DECR1: variants seen among roughly 807,000 people sequenced by gnomAD.
DECR1 encodes 2,4-dienoyl-CoA reductase [(3E)-enoyl-CoA-producing], mitochondrial.
A neutral mutation model predicts 38.8 loss-of-function variants in DECR1; 44 were observed. The ratio of observed to expected loss-of-function variants is 1.13; its 90% CI spans 0.89 to 1.46. DECR1 has a LOEUF of 1.46. Ranked by LOEUF, DECR1 falls within the 40% of genes most tolerant of loss-of-function variation. The probability of loss-of-function intolerance (pLI) is 0.00; values close to 1 mark genes in which losing one functional copy is unlikely to be tolerated. For missense variants in DECR1, 428 were observed against 405.5 expected, an observed-to-expected ratio of 1.06 and a Z score of -0.48; for synonymous variants, 148 against 135.2, an observed-to-expected ratio of 1.09 and a Z score of -0.66.
At chr8:90,028,560 T>A (rs1003599766) in intron 5 of DECR1, among the ~76,000 whole-genome samples, 5 of 152,108 alleles carry the variant, frequency 3.3e-5, no homozygotes, top group Admixed American at 6.6e-5. Context: ...TTCCCACAAG[T>A]TGTATATTAA....
chr8:90,037,020 G>A, intron 6 of DECR1, 80 bp downstream of exon 6: 1 of 947,620 alleles, frequency 1.1e-6, no homozygotes, highest in Non-Finnish European at 1.7e-6. Context: ...CCTGCTTTCT[G>A]GTGTCCATCC....
At chr8:90,028,730 T>C (rs2130097227) in intron 5 of DECR1, among the ~76,000 whole-genome samples, 1 of 152,206 alleles carries the variant, frequency 6.6e-6, no homozygotes, top group East Asian at 1.9e-4. Flanking sequence ...CCTTTCTTTT[T>C]TTCCCTTATA....
At chr8:90,029,113 T>C (rs1363731423) in intron 5 of DECR1, among the ~76,000 whole-genome samples, 1 of 152,166 alleles carries the variant, frequency 6.6e-6, no homozygotes, top group Non-Finnish European at 1.5e-5. Flanking sequence ...GTAGTCATAG[T>C]CACTTAGTTT....
chr8:90,044,970 A>G lies in DECR1; in HGVS notation c.860A>G (p.Asp287Gly), dbSNP rs148549954. ...AATCTTGCTGCTTTCCTTTGTAGTG[A>G]TTATGCTTCTTGGATTAATGGAGCA... ...LANLAAFLCS[D>G]YASWINGAVI... is the part of the protein sequence containing the mutation. Residue 287 changes from aspartate to glycine, a missense_variant, in exon 8 of 10, where the codon GAT (aspartate) becomes GGT (glycine). Coordinates refer to ENST00000220764, the MANE Select transcript of DECR1 (RefSeq NM_001359.2). 2.9e-3 allele frequency: 4,718 copies of G among 1,613,748 alleles called. 18 individuals carry two copies. Among genetic ancestry groups the G allele is most frequent in the Non-Finnish European group, 3.7e-3 (4,411 of 1,179,804 alleles).
At chr8:90,019,785 G>C (rs2130056956) in intron 4 of DECR1, among the ~76,000 whole-genome samples, 1 of 152,300 alleles carries the variant, frequency 6.6e-6, no homozygotes, top group South Asian at 2.1e-4. Context: ...TCCATCCCTA[G>C]GAAAATGCCA....
intron 5 of DECR1, among the ~76,000 whole-genome samples, chr8:90,032,622 A>G (rs1813524460): frequency 6.6e-6 from 1 of 152,224 alleles, no homozygotes; most frequent in Non-Finnish European, 1.5e-5. Context: ...TTATCTTGTT[A>G]GAAAGGAAAC....
At chr8:90,022,331 T>C (rs1043157979) in intron 5 of DECR1, among the ~76,000 whole-genome samples, 5 of 152,268 alleles carry the variant, frequency 3.3e-5, no homozygotes, top group Non-Finnish European at 7.4e-5. Flanking sequence ...AGAGAGATGC[T>C]ACAGAGGCAC....
chr8:90,010,004 G>C (rs1184626894), intron 1 of DECR1, among the ~76,000 whole-genome samples: 11 of 152,210 alleles, frequency 7.2e-5, no homozygotes, highest in Admixed American at 7.2e-4. Context: ...TGTAATTTCT[G>C]TCTTGCTCCT....
intron 8 of DECR1, among the ~76,000 whole-genome samples, chr8:90,049,036 G>T (rs1390721762): frequency 2.0e-5 from 3 of 152,130 alleles, no homozygotes; most frequent in Non-Finnish European, 4.4e-5. Context: ...GATGGGACAT[G>T]CCTCAAAATA....
rs1813633000 is a variant in DECR1 at position 90,036,957 on chromosome 8, C to T, written c.665+17C>T. 1 of 1,565,876 alleles carries T rather than the reference C, an allele frequency of 6.4e-7. No homozygotes were observed. The highest frequency in any genetic ancestry group is 8.8e-7 in the Non-Finnish European group (1 of 1,137,702). On this transcript the variant is annotated intron_variant, in intron 6 of 9. Transcript: ENST00000220764. Reference sequence around the variant, plus strand: ...CATGAGCAAGTAAGTACTTCCTTGTCAATCCTGTTGCTGAACATAACTAAT... The same window carrying T: ...CATGAGCAAGTAAGTACTTCCTTGTTAATCCTGTTGCTGAACATAACTAAT...
chr8:90,007,357 G>T (rs957128384), intron 1 of DECR1, among the ~76,000 whole-genome samples: 2 of 152,202 alleles, frequency 1.3e-5, no homozygotes, highest in Admixed American at 6.5e-5. Context: ...CCCATTAGCA[G>T]TCCTCGGAAG....
chr8:90,022,279 C>T (rs1323084471), intron 5 of DECR1, among the ~76,000 whole-genome samples: 5 of 152,070 alleles, frequency 3.3e-5, no homozygotes, highest in African/African-American at 4.8e-5. Flanking sequence ...TTTTGTGCAG[C>T]GCAGGTGATC....
chr8:90,031,713 T>G (rs954051859), intron 5 of DECR1, among the ~76,000 whole-genome samples: 4 of 152,070 alleles, frequency 2.6e-5, no homozygotes, highest in African/African-American at 9.7e-5. Context: ...TTACCATGAT[T>G]GTCAGTAAGA....
chr8:90,010,478 A>T (rs1276552175), intron 1 of DECR1, among the ~76,000 whole-genome samples: 2 of 152,220 alleles, frequency 1.3e-5, no homozygotes, highest in East Asian at 3.8e-4. Context: ...GCCTTCTAGC[A>T]ATCGGACAAA....
At chr8:90,032,234 G>T (rs1351215605) in intron 5 of DECR1, among the ~76,000 whole-genome samples, 1 of 152,032 alleles carries the variant, frequency 6.6e-6, no homozygotes, top group Non-Finnish European at 1.5e-5. Flanking sequence ...TATGTTCATG[G>T]TTACTGTCAG....
chr8:90,009,333 G>A (rs1343232676), intron 1 of DECR1, among the ~76,000 whole-genome samples: 3 of 152,040 alleles, frequency 2.0e-5, no homozygotes, highest in Non-Finnish European at 4.4e-5. Context: ...CCTTCTCAAT[G>A]AGGCCTTTGC....
intron 1 of DECR1, among the ~76,000 whole-genome samples, chr8:90,004,004 C>T (rs1229937574): frequency 6.6e-6 from 1 of 151,988 alleles, no homozygotes; most frequent in Admixed American, 6.6e-5. Flanking sequence ...TAAGGTTGTT[C>T]ATTTTGTGAA....
intron 8 of DECR1, among the ~76,000 whole-genome samples, chr8:90,048,465 ACT>A (rs1813972437): frequency 1.3e-5 from 2 of 152,118 alleles, no homozygotes; most frequent in African/African-American, 4.8e-5. Flanking sequence ...GTACACATAC[ACT>A]CTCCCAAGAC....
chr8:90,008,179 T>A (rs1812790277), intron 1 of DECR1, among the ~76,000 whole-genome samples: 1 of 152,176 alleles, frequency 6.6e-6, no homozygotes, highest in African/African-American at 2.4e-5. Flanking sequence ...TCCTCAATGC[T>A]CCAACTTGGT....
Sources: allele counts gnomAD v4.1 joint callset (sites outside exome capture counted in the v4.1 genomes callset), GRCh38; gene constraint gnomAD v4.1.1; transcripts MANE v1.5; gene names NCBI Gene and HGNC (gene_info 2026-07-23, HGNC 2026-07-21).